ATL1: variants seen among roughly 807,000 people sequenced by gnomAD.
The protein encoded by ATL1 is atlastin-1.
Under a neutral mutation model 75.5 loss-of-function variants are expected in ATL1, and 31 were observed. That is an observed-to-expected ratio of 0.41 (90% CI 0.31 to 0.55). The LOEUF is 0.55. ATL1 is among the 20% of genes least tolerant of loss of function. The pLI, the probability that ATL1 is intolerant of heterozygous loss-of-function variation, is 0.27. For synonymous variants in ATL1, 226 were observed against 233.3 expected (o/e 0.97, Z 0.28); for missense variants, 405 against 662.6 (o/e 0.61, Z 4.27).
At chr14:50,574,233 G>A in intron 1 of ATL1, among the ~76,000 whole-genome samples, 1 of 152,140 alleles carries the variant, frequency 6.6e-6, no homozygotes, top group East Asian at 1.9e-4. Flanking sequence ...CTGTGCCTTT[G>A]CCATGTGCTG....
At chr14:50,605,671 G>T (rs939377132) in intron 6 of ATL1, among the ~76,000 whole-genome samples, 6 of 151,892 alleles carry the variant, frequency 4.0e-5, no homozygotes, top group Admixed American at 3.9e-4. Flanking sequence ...CCACTAAATT[G>T]TTAAAATGTA....
intron 1 of ATL1, among the ~76,000 whole-genome samples, chr14:50,568,039 C>T (rs942285674): frequency 8.5e-5 from 13 of 152,108 alleles, no homozygotes; most frequent in African/African-American, 2.4e-4. Context: ...TTTCTTTGCA[C>T]GTCTTTATTT....
At chr14:50,625,515 G>A (rs902836642) in intron 11 of ATL1, among the ~76,000 whole-genome samples, 3 of 152,162 alleles carry the variant, frequency 2.0e-5, no homozygotes, top group Admixed American at 2.0e-4. Flanking sequence ...AGAGAGGAGA[G>A]GTCAATGCCT....
chr14:50,580,146 A>G (rs548034655), intron 1 of ATL1, among the ~76,000 whole-genome samples: 4 of 152,318 alleles, frequency 2.6e-5, no homozygotes, highest in Admixed American at 2.6e-4. Flanking sequence ...AGTCAGCTCT[A>G]AAGTTGAATG....
chr14:50,561,861 T>C (rs891516743), intron 1 of ATL1, among the ~76,000 whole-genome samples: 1 of 152,184 alleles, frequency 6.6e-6, no homozygotes, highest in Non-Finnish European at 1.5e-5. Flanking sequence ...TCTTGGCCTC[T>C]AGAATAGGAA....
chr14:50,632,106 C>T (rs1456938129), intron 13 of ATL1, 123 bp from the exon 14 acceptor site: 12 of 597,398 alleles, frequency 2.0e-5, no homozygotes, highest in Non-Finnish European at 3.2e-5. Context: ...ATTTATATAT[C>T]GATTAAAAAA....
At chr14:50,573,716 C>G (rs1311582377) in intron 1 of ATL1, among the ~76,000 whole-genome samples, 2 of 152,030 alleles carry the variant, frequency 1.3e-5, no homozygotes, top group African/African-American at 4.8e-5. Flanking sequence ...ATACTGATAT[C>G]TGATAGATAC....
chr14:50,624,464 T>G (rs1366582328), intron 11 of ATL1, among the ~76,000 whole-genome samples: 1 of 152,060 alleles, frequency 6.6e-6, no homozygotes, highest in Non-Finnish European at 1.5e-5. Context: ...TATAAGATGG[T>G]GAACTTAATC....
intron 9 of ATL1, among the ~76,000 whole-genome samples, chr14:50,620,967 G>A (rs1005889413): frequency 2.6e-5 from 4 of 152,124 alleles, no homozygotes; most frequent in African/African-American, 9.7e-5. Flanking sequence ...TTTATCTTGA[G>A]GGAGCTGTAT....
At chr14:50,552,920 A>G (rs1002533603) in intron 1 of ATL1, among the ~76,000 whole-genome samples, 1 of 152,218 alleles carries the variant, frequency 6.6e-6, no homozygotes, top group African/African-American at 2.4e-5. Context: ...AGAAGATAAC[A>G]TCAGAAAAAC....
At chr14:50,559,081 G>C (rs960749669), upstream of ATL1, 1 of 152,228 alleles carries the variant, frequency 6.6e-6, no homozygotes, top group Non-Finnish European at 1.5e-5. Flanking sequence ...CTCTCTTCTA[G>C]AGGGCAGAAG....
At chr14:50,552,400 A>T (rs1308175565) in intron 1 of ATL1, among the ~76,000 whole-genome samples, 1 of 152,256 alleles carries the variant, frequency 6.6e-6, no homozygotes, top group East Asian at 1.9e-4. Flanking sequence ...TCCCATGCTC[A>T]TGAATAGGTA....
chr14:50,618,507 A>G (rs1024953316), intron 8 of ATL1, among the ~76,000 whole-genome samples: 1 of 152,226 alleles, frequency 6.6e-6, no homozygotes, highest in African/African-American at 2.4e-5. Context: ...TAGAATTTCA[A>G]AGTGGCACAA....
chr14:50,560,244 C>A lies in ATL1; in HGVS notation c.-22C>A, dbSNP rs1376797413. ...AGCGAGCGCAGTGACAGCGCCTCAC[C>A]GCCACCAGCTCCTGGACCACCATGG... On this transcript the variant is annotated 5_prime_UTR_variant, in exon 1 of 14. Transcript: ENST00000358385. 1.2e-6 allele frequency: 2 copies of A among 1,613,624 alleles called. No individual in the cohort carries two copies. The highest frequency in any genetic ancestry group is 1.7e-6 in the Non-Finnish European group (2 of 1,179,750).
chr14:50,609,424 T>C (rs1274450241), intron 6 of ATL1, among the ~76,000 whole-genome samples: 2 of 152,002 alleles, frequency 1.3e-5, no homozygotes, highest in African/African-American at 2.4e-5. Flanking sequence ...TCATAGTAGT[T>C]GATGGTGGTA....
intron 1 of ATL1, among the ~76,000 whole-genome samples, chr14:50,578,073 A>G (rs1298038827): frequency 6.6e-6 from 1 of 152,178 alleles, no homozygotes; most frequent in Non-Finnish European, 1.5e-5. Context: ...ATTCTATTCT[A>G]TTATTTATTC....
chr14:50,599,511 A>T (rs2039251857), intron 6 of ATL1, among the ~76,000 whole-genome samples: 1 of 152,192 alleles, frequency 6.6e-6, no homozygotes, highest in Non-Finnish European at 1.5e-5. Flanking sequence ...GAGGAAATAT[A>T]TAAGGATATT....
chr14:50,565,540 T>C (rs1328533411), intron 1 of ATL1, among the ~76,000 whole-genome samples: 1 of 152,092 alleles, frequency 6.6e-6, no homozygotes, highest in Non-Finnish European at 1.5e-5. Context: ...GTACTATATA[T>C]AAGACATGTA....
At chr14:50,573,984 TCTGGTACTA>T (rs1259758394) in intron 1 of ATL1, among the ~76,000 whole-genome samples, 1 of 152,194 alleles carries the variant, frequency 6.6e-6, no homozygotes, top group Non-Finnish European at 1.5e-5. Context: ...TGGTTTAGTT[TCTGGTACTA>T]CTGAGCTGGG....
Sources: gnomAD v4.1 joint callset for allele counts (sites outside exome capture counted in the v4.1 genomes callset) on GRCh38, gnomAD v4.1.1 for gene constraint, MANE v1.5 for transcripts, NCBI Gene and HGNC (gene_info 2026-07-23, HGNC 2026-07-21) for gene names.